Variants in ADGRV1 observed in about 807,000 individuals in gnomAD.
ADGRV1 encodes the protein G-protein coupled receptor 98.
In ADGRV1, 359 loss-of-function variants were observed where a neutral mutation model predicts 596.2. That is an observed-to-expected ratio of 0.60 (90% confidence interval 0.55 to 0.66). ADGRV1 has a LOEUF of 0.66. Ranked by LOEUF, ADGRV1 falls within the 30% of genes least tolerant of loss-of-function variation. The pLI is 0.00. For missense variants in ADGRV1, 7,274 were observed against 7,575.6 expected, an observed-to-expected ratio of 0.96 and a Z score of 1.48; for synonymous variants, 2,681 against 2,679.2, an observed-to-expected ratio of 1.00 and a Z score of -0.02.
intron 89 of ADGRV1, among the ~76,000 whole-genome samples, chr5:91,155,350 C>T (rs998022224): frequency 6.6e-6 from 1 of 152,096 alleles, no homozygotes; most frequent in Non-Finnish European, 1.5e-5. Flanking sequence ...TGGTGTGTGG[C>T]CTGTTTTAGA....
chr5:90,936,481 T>A (rs1197914971), intron 83 of ADGRV1, among the ~76,000 whole-genome samples: 1 of 152,100 alleles, frequency 6.6e-6, no homozygotes, highest in East Asian at 1.9e-4. Context: ...TGTTCAAGTT[T>A]TATCTATTTT....
At position 90,637,706 on chromosome 5, in the gene ADGRV1, GTTCTT is replaced by G. The variant is rs1403667985; in HGVS notation, c.2017-11_2017-7del. 1.9e-5 allele frequency: 29 copies of G among 1,527,918 alleles called. No homozygotes were observed. Among genetic ancestry groups the G allele is most frequent in the Non-Finnish European group, 2.5e-5 (28 of 1,127,248 alleles). The allele number at this position is 1,527,918 out of a possible 1,614,324, so 94.6% of individuals were successfully genotyped here. On this transcript the variant is annotated splice_polypyrimidine_tract_variant and intron_variant, in intron 10 of 89. Coordinates refer to ENST00000405460, the MANE Select transcript of ADGRV1 (RefSeq NM_032119.4). ...CATATATTTTAGAAGAAATTGTTCT[GTTCTT>G]TTCTTTTTATAAGGTATACATTCCC...
At chr5:90,918,749 C>T (rs180751468) in intron 83 of ADGRV1, among the ~76,000 whole-genome samples, 3 of 152,320 alleles carry the variant, frequency 2.0e-5, no homozygotes, top group Admixed American at 2.0e-4. Flanking sequence ...ATTTACTCCA[C>T]AATGATTATT....
intron 86 of ADGRV1, among the ~76,000 whole-genome samples, chr5:91,086,156 C>A (rs1789856284): frequency 6.6e-6 from 1 of 152,174 alleles, no homozygotes; most frequent in Admixed American, 6.5e-5. Context: ...TGCCTGAAAA[C>A]TCTGAAGTAT....
intron 57 of ADGRV1, among the ~76,000 whole-genome samples, chr5:90,758,622 T>G (rs1452486074): frequency 6.6e-6 from 1 of 152,216 alleles, no homozygotes; most frequent in East Asian, 1.9e-4. Context: ...TATTCATGTT[T>G]CTATCTGTCT....
chr5:90,902,439 GTT>G (rs1278797539), intron 83 of ADGRV1, among the ~76,000 whole-genome samples: 2 of 152,064 alleles, frequency 1.3e-5, no homozygotes, highest in Non-Finnish European at 2.9e-5. Context: ...TAGCTATTCC[GTT>G]CTCAACCAAG....
chr5:90,705,701 C>T (rs1748498786), intron 37 of ADGRV1, 122 bp downstream of exon 37: 1 of 712,662 alleles, frequency 1.4e-6, no homozygotes, highest in Non-Finnish European at 2.3e-6. Context: ...TTTCTTCATT[C>T]AGGACAGAAC....
intron 89 of ADGRV1, among the ~76,000 whole-genome samples, chr5:91,156,831 AT>A (rs1402682779): frequency 1.3e-5 from 2 of 152,206 alleles, no homozygotes; most frequent in Non-Finnish European, 2.9e-5. Flanking sequence ...TCTACATGCC[AT>A]TTTGTCTACA....
At position 90,783,919 on chromosome 5, in the gene ADGRV1, C is replaced by T; in HGVS notation, c.13515C>T (p.Ile4505=). 1 of 1,612,368 alleles carries T rather than the reference C, an allele frequency of 6.2e-7. No individual in the cohort carries two copies. Among genetic ancestry groups the T allele is most frequent in the Non-Finnish European group, 8.5e-7 (1 of 1,179,256 alleles). ...AVLGRHLVSR[I]IIAKSDSPFG... Reference sequence around the variant, plus strand: ...TTGGGCGCCACCTAGTGAGCAGAATCATAATAGCTAAGAGTGACTCTCCCT... The same window carrying T: ...TTGGGCGCCACCTAGTGAGCAGAATTATAATAGCTAAGAGTGACTCTCCCT... The change falls in exon 67 of 90, where the codon ATC becomes ATT. Residue 4505 remains isoleucine, a synonymous_variant. Transcript: ENST00000405460.
intron 87 of ADGRV1, among the ~76,000 whole-genome samples, chr5:91,145,499 C>T (rs911122139): frequency 2.0e-5 from 3 of 152,090 alleles, no homozygotes; most frequent in Admixed American, 6.5e-5. Context: ...AGGTCATACC[C>T]ATGTGAAAAG....
chr5:90,835,411 C>T (rs1764892472), intron 77 of ADGRV1, among the ~76,000 whole-genome samples: 1 of 152,190 alleles, frequency 6.6e-6, no homozygotes, highest in South Asian at 2.1e-4. Flanking sequence ...TCCTCTGTGT[C>T]TGTGCTGAAC....
intron 50 of ADGRV1, among the ~76,000 whole-genome samples, chr5:90,739,472 T>A (rs968413200): frequency 6.6e-6 from 1 of 152,174 alleles, no homozygotes; most frequent in Non-Finnish European, 1.5e-5. Context: ...TAGCTTGGGA[T>A]TCTGGTTGGG....
Position 90,725,402 on chromosome 5 carries a change from T to A in ADGRV1, c.10054-147T>A, listed in dbSNP as rs961765834. ...TCTTAATCCGGGGATATTTTTGTCT[T>A]TTTAAAATGACACTTAGTTATGTGT... On this transcript the variant is annotated intron_variant, in intron 47 of 89. Transcript: ENST00000405460. 35 of 695,532 alleles carry A rather than the reference T, an allele frequency of 5.0e-5. No homozygotes were observed. In the African/African-American group the frequency reaches 6.4e-4, roughly 13 times the overall value. 43.1% of individuals were successfully genotyped at this position (695,532 alleles called of 1,614,324 possible). A position where few individuals can be genotyped will look rare whatever the true frequency, so the allele number is the denominator to read the frequency against.
At chr5:90,566,113 G>C (rs1489999096) in intron 1 of ADGRV1, among the ~76,000 whole-genome samples, 1 of 151,616 alleles carries the variant, frequency 6.6e-6, no homozygotes, top group African/African-American at 2.4e-5. Context: ...TCATTGTGTG[G>C]GTTGTCTTTT....
intron 87 of ADGRV1, among the ~76,000 whole-genome samples, chr5:91,143,328 T>A (rs1419866760): frequency 1.3e-5 from 2 of 152,202 alleles, no homozygotes; most frequent in Non-Finnish European, 2.9e-5. Flanking sequence ...CTGTTTGTGT[T>A]ACAGCTCTTT....
chr5:90,776,031 TAG>T (rs1241841318), intron 60 of ADGRV1, among the ~76,000 whole-genome samples: 7 of 152,192 alleles, frequency 4.6e-5, no homozygotes, highest in African/African-American at 1.4e-4. Flanking sequence ...AGTCAAATGA[TAG>T]AGTCAGAAAA....
chr5:91,133,211 G>A (rs1301063902), intron 87 of ADGRV1, among the ~76,000 whole-genome samples: 1 of 152,194 alleles, frequency 6.6e-6, no homozygotes, highest in East Asian at 1.9e-4. Context: ...TAACATATTA[G>A]CAATGTACTT....
In ADGRV1 at chr5:90,684,212, GTGT is replaced by G; in HGVS notation, c.6274+19_6274+21del. ...GTCGTTCAAGTAAGTATCCCTTAGTGTGTTATTATTATTATTAGCTCTCAGAAT... is the reference window on the plus strand; with the variant it reads ...GTCGTTCAAGTAAGTATCCCTTAGTGTATTATTATTATTAGCTCTCAGAAT... On this transcript the variant is annotated intron_variant, in intron 28 of 89. Transcript: ENST00000405460. 1 of 1,564,370 alleles carries G rather than the reference GTGT, an allele frequency of 6.4e-7. No homozygotes were observed. Among genetic ancestry groups the G allele is most frequent in the Non-Finnish European group, 8.6e-7 (1 of 1,156,468 alleles).
intron 9 of ADGRV1, among the ~76,000 whole-genome samples, chr5:90,634,002 G>A (rs149207363): frequency 3.3e-5 from 5 of 152,248 alleles, no homozygotes; most frequent in African/African-American, 9.6e-5. Context: ...AGGTCTACTG[G>A]TGATTACTTA....
Sources: allele counts gnomAD v4.1 joint callset (sites outside exome capture counted in the v4.1 genomes callset), GRCh38; gene constraint gnomAD v4.1.1; transcripts MANE v1.5; gene names NCBI Gene and HGNC (gene_info 2026-07-23, HGNC 2026-07-21).